Variants in CLECL1 observed in about 807,000 individuals in gnomAD.
CLECL1 encodes C-type lectin-like domain family 1.
the CLECL1 span, among the ~76,000 whole-genome samples, chr12:9,705,297 T>A: frequency 6.6e-6 from 1 of 152,166 alleles, no homozygotes; most frequent in Admixed American, 6.5e-5. Context: ...TTATAAGTGC[T>A]GGATATTAGA....
At chr12:9,707,269 G>T in the CLECL1 span, among the ~76,000 whole-genome samples, 1 of 152,154 alleles carries the variant, frequency 6.6e-6, no homozygotes, top group Admixed American at 6.5e-5. Flanking sequence ...CCAGTTTAAA[G>T]TTCTGGCAAA....
At chr12:9,702,647 G>T in the CLECL1 span, among the ~76,000 whole-genome samples, 182 of 152,238 alleles carry the variant, frequency 1.2e-3, 1 homozygote, top group Admixed American at 4.4e-3. Flanking sequence ...TACTCAAAAG[G>T]TACATTAAAA....
At chr12:9,713,041 G>A (rs1028824632), downstream of CLECL1, among the ~76,000 whole-genome samples, 3 of 152,120 alleles carry the variant, frequency 2.0e-5, no homozygotes, top group Non-Finnish European at 4.4e-5. Flanking sequence ...TGAGCTCCCC[G>A]AATGCACAAT....
downstream of CLECL1, among the ~76,000 whole-genome samples, chr12:9,721,005 T>C (rs1866303347): frequency 6.6e-6 from 1 of 152,238 alleles, no homozygotes; most frequent in Admixed American, 6.5e-5. Context: ...GATTTGAAAA[T>C]GTTGAGAAGT....
chr12:9,725,009 A>G (rs1316202298), intron 3 of CLECL1, among the ~76,000 whole-genome samples: 1 of 152,166 alleles, frequency 6.6e-6, no homozygotes, highest in Non-Finnish European at 1.5e-5. Flanking sequence ...GCTAGAATAC[A>G]GTAAAAGATA....
At chr12:9,717,869 T>C (rs1281614196), downstream of CLECL1, among the ~76,000 whole-genome samples, 1 of 147,880 alleles carries the variant, frequency 6.8e-6, no homozygotes, top group Non-Finnish European at 1.5e-5. Context: ...TCTTTTTCTG[T>C]TTTTTTTTCT....
At chr12:9,722,376 G>C, downstream of CLECL1, 1 of 428,776 alleles carries the variant, frequency 2.3e-6, no homozygotes, top group East Asian at 5.1e-5. Context: ...AATTTCTTAA[G>C]TTTTAAAATG....
the CLECL1 span, among the ~76,000 whole-genome samples, chr12:9,710,286 T>A: frequency 1.3e-5 from 2 of 152,204 alleles, no homozygotes; most frequent in African/African-American, 4.8e-5. Context: ...GAGCCTCAGA[T>A]GATGGCTCCG....
chr12:9,732,943 G>T lies in CLECL1; in HGVS notation n.82+6C>A, dbSNP rs1182928583. On this transcript the variant is annotated splice_donor_region_variant and intron_variant and non_coding_transcript_variant, in intron 1 of 3. Coordinates refer to ENST00000621400, the Ensembl canonical transcript of CLECL1. ...AATTCTCAAAGGCACCCTAAATCCA[G>T]CTTACCAGATCTCTGAAGTGGAAAC... The T allele has an allele frequency of 6.3e-7, 1 of 1,589,520 alleles. No individual in the cohort carries two copies. The highest frequency in any genetic ancestry group is 8.6e-7 in the Non-Finnish European group (1 of 1,165,354).
intron 2 of CLECL1, among the ~76,000 whole-genome samples, chr12:9,727,996 A>G (rs769180697): frequency 1.8e-4 from 27 of 151,942 alleles, no homozygotes; most frequent in African/African-American, 4.6e-4. Context: ...TCATATTTAG[A>G]TCATTTGTGT....
downstream of CLECL1, among the ~76,000 whole-genome samples, chr12:9,719,619 G>A (rs961279071): frequency 6.6e-6 from 1 of 152,172 alleles, no homozygotes; most frequent in Non-Finnish European, 1.5e-5. Flanking sequence ...GCGTGGTGGT[G>A]CATGGCCTTC....
chr12:9,730,681 CTTTCTTTTTTTCT>C (rs1227040355), intron 1 of CLECL1, among the ~76,000 whole-genome samples: 1 of 151,768 alleles, frequency 6.6e-6, no homozygotes, highest in Non-Finnish European at 1.5e-5. Flanking sequence ...GTTTCTTTTT[CTTTCTTTTTTTCT>C]TTTCTTTTTT....
chr12:9,709,795 AT>A, the CLECL1 span, among the ~76,000 whole-genome samples: 1 of 152,150 alleles, frequency 6.6e-6, no homozygotes, highest in African/African-American at 2.4e-5. Context: ...GCTAGTATAA[AT>A]TTATTACTCA....
chr12:9,711,798 C>T (rs536273388), downstream of CLECL1, among the ~76,000 whole-genome samples: 3 of 152,220 alleles, frequency 2.0e-5, 1 homozygote, highest in Admixed American at 6.5e-5. Context: ...GGGCTGCTTA[C>T]AATCACATTT....
chr12:9,710,574 C>T, the CLECL1 span, among the ~76,000 whole-genome samples: 2 of 152,284 alleles, frequency 1.3e-5, no homozygotes, highest in South Asian at 2.1e-4. Context: ...GTTGCATTTC[C>T]CAAGACCACC....
At chr12:9,720,284 T>C (rs1866293252), downstream of CLECL1, among the ~76,000 whole-genome samples, 1 of 151,982 alleles carries the variant, frequency 6.6e-6, no homozygotes, top group Non-Finnish European at 1.5e-5. Context: ...TTTTAGTTTA[T>C]TGTGTAGATA....
At chr12:9,706,430 G>A in the CLECL1 span, among the ~76,000 whole-genome samples, 2 of 152,268 alleles carry the variant, frequency 1.3e-5, no homozygotes, top group African/African-American at 4.8e-5. Context: ...TCCTTGTCTT[G>A]TGTCAGTCTT....
downstream of CLECL1, among the ~76,000 whole-genome samples, chr12:9,720,341 A>ATT (rs777503358): frequency 1.9e-4 from 26 of 133,444 alleles, no homozygotes; most frequent in Admixed American, 4.5e-4. Flanking sequence ...CCACCTCTGT[A>ATT]TTTTTTTTTT....
downstream of CLECL1, among the ~76,000 whole-genome samples, chr12:9,715,016 T>A (rs2121035265): frequency 6.6e-6 from 1 of 152,286 alleles, no homozygotes; most frequent in South Asian, 2.1e-4. Flanking sequence ...TTTCCTTTAT[T>A]CTACTTTGGG....
Sources: gnomAD v4.1 joint callset for allele counts (sites outside exome capture counted in the v4.1 genomes callset) on GRCh38, gnomAD v4.1.1 for gene constraint, MANE v1.5 for transcripts, NCBI Gene and HGNC (gene_info 2026-07-23, HGNC 2026-07-21) for gene names.